Variants in CHD1L observed in about 807,000 individuals in gnomAD.
The protein encoded by CHD1L is chromodomain helicase DNA binding protein 1 like.
CHD1L carries 118 observed loss-of-function variants against 115.9 expected under a neutral mutation model. The observed-to-expected ratio is 1.02, with a 90% CI of 0.88 to 1.19. CHD1L has a LOEUF of 1.19. CHD1L is among the 50% of genes most tolerant of loss of function. The pLI is 0.00. For missense variants in CHD1L, 1,179 were observed against 1,065.3 expected (o/e 1.11, Z -1.49); for synonymous variants, 411 against 387.1 (o/e 1.06, Z -0.72).
chr1:147,185,081 T>A, the CHD1L span, among the ~76,000 whole-genome samples: 1 of 152,132 alleles, frequency 6.6e-6, no homozygotes, highest in African/African-American at 2.4e-5. Flanking sequence ...TTAGACATTA[T>A]CAGTAACAAG....
At chr1:147,224,898 G>A in the CHD1L span, 7 of 1,613,838 alleles carry the variant, frequency 4.3e-6, no homozygotes, top group Admixed American at 1.7e-5. Context: ...TATGTACCTG[G>A]AACCTCCAGA....
chr1:147,281,802 T>G (rs961733809), intron 15 of CHD1L, among the ~76,000 whole-genome samples: 2 of 151,750 alleles, frequency 1.3e-5, no homozygotes, highest in South Asian at 2.1e-4. Flanking sequence ...AAAAAATATA[T>G]ATATATTTAT....
rs972230040 is a variant in CHD1L, at chr1:147,242,792, G to A, written c.89G>A (p.Arg30Gln). The A allele has an allele frequency of 2.4e-6, 3 of 1,274,196 alleles. No homozygotes were observed. The Middle Eastern group carries it at 6.3e-4, about 269-fold the overall frequency. 78.9% of individuals were successfully genotyped at this position (1,274,196 alleles called of 1,614,324 possible). ...ACTGAGGGCCGAGCCGAGGCGGCGC[G>A]GGTGCAGGAGCAGGACTTACGGCAG... ...LHTEGRAEAA[R>Q]VQEQDLRQWG... The change falls in exon 1 of 23, where the codon CGG (arginine) becomes CAG (glutamine). Residue 30 changes from arginine to glutamine, a missense_variant. Coordinates refer to ENST00000369258, the MANE Select transcript of CHD1L (RefSeq NM_004284.6).
chr1:147,184,581 G>C, the CHD1L span: 1 of 1,548,404 alleles, frequency 6.5e-7, no homozygotes. The surrounding 1 kb of genome is among the most constrained non-coding windows in gnomAD (Gnocchi z 4.4). Context: ...TCAGGTATTT[G>C]TAGAATATTC....
chr1:147,291,501 C>T lies in CHD1L; in HGVS notation c.2340C>T (p.Val780=), dbSNP rs1457266474. 6 of 1,613,780 alleles carry T rather than the reference C, an allele frequency of 3.7e-6. No individual in the cohort carries two copies. The highest frequency in any genetic ancestry group is 5.1e-6 in the Non-Finnish European group (6 of 1,179,886). The change falls in exon 20 of 23, where the codon GTC becomes GTT. Residue 780 remains valine (V), a synonymous_variant. Transcript: ENST00000369258. ...CCTCAGACCTGAGTTTGGGAGGTGT[C>T]CTTTTATTTCCTGTTGATGATAAAG... ...GKMKDLSLGG[V]LLFPVDDKES...
At chr1:147,195,028 G>A in the CHD1L span, among the ~76,000 whole-genome samples, 1 of 151,714 alleles carries the variant, frequency 6.6e-6, no homozygotes, top group Non-Finnish European at 1.5e-5. Flanking sequence ...GGCGTTCTCT[G>A]TATTTCCTGA....
chr1:147,213,447 C>A, the CHD1L span: 2 of 1,610,332 alleles, frequency 1.2e-6, no homozygotes, highest in Non-Finnish European at 1.7e-6. Context: ...AATCAGGCTG[C>A]TTCTTCACAC....
chr1:147,186,257 A>G, the CHD1L span: 5 of 923,204 alleles, frequency 5.4e-6, no homozygotes, highest in Non-Finnish European at 6.5e-6. Flanking sequence ...GTGAGCCTAG[A>G]AAGTTGAAAG....
At chr1:147,190,462 G>A in the CHD1L span, among the ~76,000 whole-genome samples, 1 of 152,134 alleles carries the variant, frequency 6.6e-6, no homozygotes, top group East Asian at 1.9e-4. Context: ...TCTTTGGAAG[G>A]GATTTCCCCT....
intron 20 of CHD1L, among the ~76,000 whole-genome samples, chr1:147,292,824 G>A (rs965685990): frequency 1.3e-5 from 2 of 152,160 alleles, no homozygotes; most frequent in Non-Finnish European, 2.9e-5. Context: ...AGCCATCCAT[G>A]AGGGATCCAC....
At chr1:147,196,810 G>C in the CHD1L span, among the ~76,000 whole-genome samples, 1 of 151,946 alleles carries the variant, frequency 6.6e-6, no homozygotes. Flanking sequence ...ATTCTTTTCT[G>C]TCTCTCTTCT....
chr1:147,225,528 A>T, the CHD1L span: 172 of 159,958 alleles, frequency 1.1e-3, 1 homozygote, highest in African/African-American at 3.8e-3. Flanking sequence ...AGTTAATCCT[A>T]CAACTTCTCT....
intron 1 of CHD1L, among the ~76,000 whole-genome samples, chr1:147,250,440 C>T (rs782763096): frequency 2.0e-5 from 3 of 152,042 alleles, no homozygotes; most frequent in Non-Finnish European, 4.4e-5. Context: ...CAGGCTCCCC[C>T]TTCAGCCTCT....
chr1:147,291,202 C>G (rs587679323), intron 19 of CHD1L, among the ~76,000 whole-genome samples: 2 of 152,218 alleles, frequency 1.3e-5, no homozygotes, highest in South Asian at 4.1e-4. Context: ...CCCCAAAGCC[C>G]CCCAGCTACC....
At chr1:147,215,951 A>C in the CHD1L span, 18 of 1,593,692 alleles carry the variant, frequency 1.1e-5, no homozygotes, top group Admixed American at 1.0e-4. Context: ...TCCTGCAATA[A>C]ATAGAAAGTA....
chr1:147,199,214 C>T, the CHD1L span, among the ~76,000 whole-genome samples: 1 of 150,990 alleles, frequency 6.6e-6, no homozygotes, highest in Non-Finnish European at 1.5e-5. Context: ...AGGAGGCAGG[C>T]TTTGTTGGGC....
chr1:147,186,501 C>A, the CHD1L span: 1 of 987,642 alleles, frequency 1.0e-6, no homozygotes, highest in Non-Finnish European at 1.2e-6. Context: ...GAAAATCAAA[C>A]CCTATCAGAA....
chr1:147,281,794 A>G (rs2102850402), intron 15 of CHD1L, among the ~76,000 whole-genome samples: 1 of 151,796 alleles, frequency 6.6e-6, no homozygotes, highest in Admixed American at 6.5e-5. Flanking sequence ...CTTCTTTAAA[A>G]AAATATATAT....
At chr1:147,235,347 G>A in the CHD1L span, among the ~76,000 whole-genome samples, 37 of 152,112 alleles carry the variant, frequency 2.4e-4, no homozygotes, top group African/African-American at 8.9e-4. Flanking sequence ...GTAATACCTT[G>A]GACATTCAAA....
Sources: allele counts gnomAD v4.1 joint callset (sites outside exome capture counted in the v4.1 genomes callset), GRCh38; gene constraint gnomAD v4.1.1; non-coding constraint Gnocchi (gnomAD v3.1); transcripts MANE v1.5; gene names NCBI Gene and HGNC (gene_info 2026-07-23, HGNC 2026-07-21).